The following TENM2 variants were observed in gnomAD, a reference collection of about 807,000 sequenced individuals.
TENM2 encodes teneurin-2.
A neutral mutation model predicts 245.2 loss-of-function variants in TENM2; 52 were observed. That is an observed-to-expected ratio of 0.21 (90% CI 0.17 to 0.27). The LOEUF (loss-of-function observed/expected upper bound fraction) is 0.27, where lower values mean the gene tolerates loss of function less well. Ranked by LOEUF, TENM2 falls within the 10% of genes least tolerant of loss-of-function variation. TENM2 has a pLI of 1.00. For missense variants in TENM2, 3,046 were observed against 3,666.8 expected, an observed-to-expected ratio of 0.83 and a Z score of 4.37; for synonymous variants, 1,363 against 1,438.9, an observed-to-expected ratio of 0.95 and a Z score of 1.19.
chr5:168,036,697 A>ATG (rs1787725528), intron 5 of TENM2, among the ~76,000 whole-genome samples: 2 of 98,088 alleles, frequency 2.0e-5, no homozygotes, highest in South Asian at 3.2e-4. Flanking sequence ...ATATATATAT[A>ATG]TATGTATGTG....
intron 1 of TENM2, among the ~76,000 whole-genome samples, chr5:167,316,896 T>C (rs1420066242): frequency 6.6e-6 from 1 of 152,194 alleles, no homozygotes; most frequent in Admixed American, 6.6e-5. Flanking sequence ...TTATTGTGGC[T>C]AATTATGCTC....
chr5:167,020,789 A>G, the TENM2 span, among the ~76,000 whole-genome samples: 1 of 152,376 alleles, frequency 6.6e-6, no homozygotes, highest in East Asian at 1.9e-4. Flanking sequence ...AATATGCCTT[A>G]TTAATTGCAA....
chr5:167,798,180 C>G (rs1023534985), intron 2 of TENM2, among the ~76,000 whole-genome samples: 7 of 152,200 alleles, frequency 4.6e-5, no homozygotes, highest in Non-Finnish European at 1.0e-4. Flanking sequence ...CAGGCGCAAG[C>G]TAACTGCAGG....
chr5:167,765,456 G>A lies in TENM2; in HGVS notation c.503-110530G>A, dbSNP rs1350318577. 2.6e-5 allele frequency among the ~76,000 whole-genome samples: 4 copies of A among 152,168 alleles called. No individual in the cohort carries two copies. The South Asian group carries it at 6.2e-4, about 24-fold the overall frequency. The stretch of plus-strand genomic sequence containing the variant: ...TTTGTACCTTCTGAATAAAGGGGAT[G>A]TCAGTGTTAAATCTGCCAGCTGGTT... On this transcript the variant is annotated intron_variant, in intron 2 of 28. Transcript: ENST00000518659.
At chr5:168,039,106 A>G (rs927770153) in intron 5 of TENM2, among the ~76,000 whole-genome samples, 2 of 152,058 alleles carry the variant, frequency 1.3e-5, no homozygotes, top group Non-Finnish European at 2.9e-5. Context: ...GCAGAAGGCT[A>G]TTTTTCACGA....
At position 167,917,506 on chromosome 5, in the gene TENM2, T is replaced by G. The variant is rs141635038; in HGVS notation, c.713-35082T>G. Among the ~76,000 whole-genome samples, 8 of 151,922 alleles carry G rather than the reference T, an allele frequency of 5.3e-5. No individual in the cohort carries two copies. In the East Asian group the frequency reaches 1.5e-3, roughly 29 times the overall value. ...GAATTTATTTCCACCTATTTGGGAG[T>G]AGGAGCAAGGGTACGTAATGACAGC... On this transcript the variant is annotated intron_variant, in intron 3 of 28. Coordinates refer to ENST00000518659, the Ensembl canonical transcript of TENM2.
chr5:168,204,482 A>C, exon 19 of TENM2: 1 of 1,614,018 alleles, frequency 6.2e-7, no homozygotes, highest in Non-Finnish European at 8.5e-7. Context: ...TCCCAGCTGC[A>C]ACGGCCTTGC....
At chr5:167,095,395 G>A in the TENM2 span, among the ~76,000 whole-genome samples, 2 of 152,134 alleles carry the variant, frequency 1.3e-5, no homozygotes, top group African/African-American at 4.8e-5. Flanking sequence ...TAAAGAAGGG[G>A]GATTGGGCTG....
intron 2 of TENM2, among the ~76,000 whole-genome samples, chr5:167,579,498 G>C (rs1774934655): frequency 6.6e-6 from 1 of 152,206 alleles, no homozygotes; most frequent in Admixed American, 6.5e-5. Context: ...GTTGCAGCTT[G>C]CACCAGAGCT....
At position 168,084,916 on chromosome 5, in the gene TENM2, G is replaced by A. The variant is rs369902824; in HGVS notation, c.1516-5658G>A. 1.2e-3 allele frequency among the ~76,000 whole-genome samples: 185 copies of A among 152,170 alleles called. 2 individuals are homozygous for A. The South Asian group carries it at 0.027, about 22-fold the overall frequency. ...AGTTCTTCCTTCCTCCTTCTTATCC[G>A]CTCAGTGGCATTGTGAGGGGCCTTA... On this transcript the variant is annotated intron_variant, in intron 7 of 28. Coordinates refer to ENST00000518659, the Ensembl canonical transcript of TENM2.
At chr5:168,224,832 G>C (rs1764010490) in intron 23 of TENM2, among the ~76,000 whole-genome samples, 1 of 152,062 alleles carries the variant, frequency 6.6e-6, no homozygotes, top group South Asian at 2.1e-4. Context: ...AACTCATCTG[G>C]GAGAGCTCAA....
intron 2 of TENM2, among the ~76,000 whole-genome samples, chr5:167,541,113 A>G (rs938561730): frequency 1.3e-5 from 2 of 152,188 alleles, no homozygotes; most frequent in Non-Finnish European, 2.9e-5. Context: ...TGCTTCTAAT[A>G]TTATAGGACT....
the TENM2 span, among the ~76,000 whole-genome samples, chr5:167,015,964 G>A: frequency 3.9e-5 from 6 of 152,064 alleles, no homozygotes; most frequent in South Asian, 1.2e-3. Context: ...TTAAAAGAAG[G>A]AGAGAGGTGA....
rs190803843 is a variant in TENM2 at position 167,697,617 on chromosome 5, C to T, written c.503-178369C>T. ...CTCGGCTCACTGCAACCTCTGCCCC[C>T]AGGTTCAAGCGATTCTCCTGCCTCA... On this transcript the variant is annotated intron_variant, in intron 2 of 28. Transcript: ENST00000518659. 1.8e-4 allele frequency among the ~76,000 whole-genome samples: 28 copies of T among 152,292 alleles called. 1 individual carries two copies. Among genetic ancestry groups the T allele is most frequent in the Admixed American group, 1.8e-3 (27 of 15,306 alleles).
chr5:167,835,082 T>C (rs983783715), intron 2 of TENM2, among the ~76,000 whole-genome samples: 6 of 151,978 alleles, frequency 3.9e-5, no homozygotes, highest in Admixed American at 3.9e-4. Context: ...TCTGAGCATG[T>C]AGTACTCTCA....
At chr5:167,037,856 A>T in the TENM2 span, among the ~76,000 whole-genome samples, 1 of 152,206 alleles carries the variant, frequency 6.6e-6, no homozygotes, top group African/African-American at 2.4e-5. Flanking sequence ...GCAGTCTCTT[A>T]GGCACAGAGG....
At chr5:168,078,048 C>A (rs555744561) in intron 7 of TENM2, among the ~76,000 whole-genome samples, 1 of 152,090 alleles carries the variant, frequency 6.6e-6, no homozygotes, top group African/African-American at 2.4e-5. Flanking sequence ...CCACAAACAG[C>A]GTAAAAATGT....
At chr5:168,149,242 C>A (rs1003285994) in intron 12 of TENM2, among the ~76,000 whole-genome samples, 2 of 152,138 alleles carry the variant, frequency 1.3e-5, no homozygotes, top group Admixed American at 6.5e-5. Flanking sequence ...CCACTCTCAG[C>A]CATGTCTGTC....
At chr5:167,586,314 A>G (rs190476010) in intron 2 of TENM2, among the ~76,000 whole-genome samples, 15 of 152,306 alleles carry the variant, frequency 9.8e-5, no homozygotes, top group African/African-American at 3.4e-4. Flanking sequence ...GAGGGACTTG[A>G]GCATCTGTGG....
Sources: gnomAD v4.1 joint callset for allele counts (sites outside exome capture counted in the v4.1 genomes callset) on GRCh38, gnomAD v4.1.1 for gene constraint, MANE v1.5 for transcripts, NCBI Gene and HGNC (gene_info 2026-07-23, HGNC 2026-07-21) for gene names.